Variants in MCU observed in about 807,000 individuals in gnomAD.
MCU encodes the protein mitochondrial calcium uniporter.
MCU carries 12 observed loss-of-function variants against 45.2 expected under a neutral mutation model. The ratio of observed to expected loss-of-function variants is 0.27; its 90% confidence interval spans 0.17 to 0.43. The LOEUF (loss-of-function observed/expected upper bound fraction) is 0.43, where lower values mean the gene tolerates loss of function less well. Ranked by LOEUF, MCU falls within the 20% of genes least tolerant of loss-of-function variation. The pLI is 1.00. For synonymous variants in MCU, 160 were observed against 165.1 expected, an observed-to-expected ratio of 0.97 and a Z score of 0.24; for missense variants, 324 against 436.7, an observed-to-expected ratio of 0.74 and a Z score of 2.30.
intron 2 of MCU, among the ~76,000 whole-genome samples, chr10:72,842,046 A>G (rs753384581): frequency 1.3e-5 from 2 of 152,192 alleles, no homozygotes; most frequent in African/African-American, 4.8e-5. Flanking sequence ...TAGCCAAGCT[A>G]TTGCTCTGAG....
At chr10:72,850,813 T>A (rs1035272152) in intron 2 of MCU, among the ~76,000 whole-genome samples, 3 of 152,234 alleles carry the variant, frequency 2.0e-5, no homozygotes, top group African/African-American at 7.2e-5. Flanking sequence ...ACTTATATTA[T>A]TTCTTACTTT....
chr10:72,862,813 C>T (rs1182701968), intron 4 of MCU, among the ~76,000 whole-genome samples: 1 of 151,734 alleles, frequency 6.6e-6, no homozygotes, highest in Non-Finnish European at 1.5e-5. Flanking sequence ...AATCCCAGCA[C>T]TTTAGGAAGC....
intron 4 of MCU, among the ~76,000 whole-genome samples, chr10:72,865,701 G>A (rs1039461972): frequency 8.0e-5 from 12 of 150,502 alleles, no homozygotes; most frequent in Admixed American, 5.3e-4. Flanking sequence ...GCCACACGCC[G>A]GCAAATTTTT....
chr10:72,712,186 A>G (rs993661367), intron 1 of MCU: 1 of 152,202 alleles, frequency 6.6e-6, no homozygotes, highest in Admixed American at 6.5e-5. Context: ...GGGGACAGGA[A>G]AAAGGAATTT....
At chr10:72,808,482 G>A (rs997619755) in intron 1 of MCU, among the ~76,000 whole-genome samples, 4 of 152,302 alleles carry the variant, frequency 2.6e-5, no homozygotes, top group African/African-American at 9.6e-5. Context: ...ATAGCCATTA[G>A]AGGAAAGGAA....
intron 2 of MCU, among the ~76,000 whole-genome samples, chr10:72,835,927 C>T (rs2132836987): frequency 6.6e-6 from 1 of 152,180 alleles, no homozygotes; most frequent in East Asian, 1.9e-4. Flanking sequence ...ACCATAATGC[C>T]ACCTGGCTAT....
At chr10:72,703,805 A>C (rs777529343) in intron 1 of MCU, among the ~76,000 whole-genome samples, 12 of 152,082 alleles carry the variant, frequency 7.9e-5, no homozygotes, top group Non-Finnish European at 1.5e-4. Flanking sequence ...CTGAGACGTG[A>C]GAATTGCTTG....
At chr10:72,750,735 C>T (rs1021072309) in intron 1 of MCU, among the ~76,000 whole-genome samples, 1 of 152,148 alleles carries the variant, frequency 6.6e-6, no homozygotes, top group Non-Finnish European at 1.5e-5. Context: ...GAATGCAGAA[C>T]AGTTTCATTG....
At chr10:72,811,191 A>G (rs1028688949) in intron 1 of MCU, among the ~76,000 whole-genome samples, 1 of 152,254 alleles carries the variant, frequency 6.6e-6, no homozygotes, top group Non-Finnish European at 1.5e-5. Flanking sequence ...AAGATAGGCT[A>G]TAAAATAGTT....
chr10:72,778,874 G>GA (rs987511880), intron 1 of MCU, among the ~76,000 whole-genome samples: 3 of 151,804 alleles, frequency 2.0e-5, no homozygotes, highest in African/African-American at 7.3e-5. Context: ...TTTCAGTGGG[G>GA]AAAAAAAACT....
intron 1 of MCU, among the ~76,000 whole-genome samples, chr10:72,805,280 G>T (rs534216166): frequency 7.3e-6 from 1 of 137,566 alleles, no homozygotes; most frequent in Admixed American, 7.7e-5. Flanking sequence ...ACAGGGTCTC[G>T]CTCTGTTGCC....
At chr10:72,875,891 T>G (rs2132892428) in intron 6 of MCU, among the ~76,000 whole-genome samples, 1 of 152,364 alleles carries the variant, frequency 6.6e-6, no homozygotes, top group South Asian at 2.1e-4. Flanking sequence ...GGCCCATGCC[T>G]TTTCAATGAA....
intron 1 of MCU, among the ~76,000 whole-genome samples, chr10:72,784,620 T>TACAC (rs1430818300): frequency 5.9e-5 from 9 of 152,206 alleles, no homozygotes; most frequent in African/African-American, 2.2e-4. Context: ...GTGTATCCAG[T>TACAC]AGCTTCTGAA....
chr10:72,717,580 ACTAAGTG>A (rs1842970369), intron 1 of MCU, among the ~76,000 whole-genome samples: 1 of 152,122 alleles, frequency 6.6e-6, no homozygotes, highest in Non-Finnish European at 1.5e-5. Context: ...TTAATGAGTC[ACTAAGTG>A]CTTATAGTAT....
chr10:72,867,881 A>G (rs913089600), intron 4 of MCU, among the ~76,000 whole-genome samples: 17 of 150,410 alleles, frequency 1.1e-4, no homozygotes, highest in Non-Finnish European at 2.1e-4. Flanking sequence ...AAAGATTATT[A>G]GGATGATGGC....
chr10:72,822,336 T>C (rs1311242030), intron 1 of MCU, among the ~76,000 whole-genome samples: 1 of 152,080 alleles, frequency 6.6e-6, no homozygotes, highest in Non-Finnish European at 1.5e-5. Context: ...AGTTTACCAA[T>C]ACCAGGAACA....
chr10:72,873,665 CA>C (rs1263660265), intron 6 of MCU, among the ~76,000 whole-genome samples: 1 of 152,108 alleles, frequency 6.6e-6, no homozygotes. Flanking sequence ...TGAGGTCTTA[CA>C]AAAAATCTTT....
At chr10:72,792,546 T>A (rs1844177776) in intron 1 of MCU, among the ~76,000 whole-genome samples, 1 of 152,126 alleles carries the variant, frequency 6.6e-6, no homozygotes, top group South Asian at 2.1e-4. Flanking sequence ...AGTGGATCAG[T>A]TCCCAGGGAA....
chr10:72,816,467 TAGCCAACAACAGTGATTA>T (rs1397500860), intron 1 of MCU, among the ~76,000 whole-genome samples: 1 of 152,166 alleles, frequency 6.6e-6, no homozygotes, highest in African/African-American at 2.4e-5. Context: ...TGCTTTTAAA[TAGCCAACAACAGTGATTA>T]AGACTAAGAC....
Sources: allele counts gnomAD v4.1 joint callset (sites outside exome capture counted in the v4.1 genomes callset), GRCh38; gene constraint gnomAD v4.1.1; transcripts MANE v1.5; gene names NCBI Gene and HGNC (gene_info 2026-07-23, HGNC 2026-07-21).